EIF4ENIF1: variants seen among roughly 807,000 people sequenced by gnomAD.
The protein encoded by EIF4ENIF1 is eukaryotic translation initiation factor 4E transporter.
EIF4ENIF1 carries 23 observed loss-of-function variants against 110.5 expected under a neutral mutation model. The observed-to-expected ratio is 0.21, with a 90% CI of 0.15 to 0.29. EIF4ENIF1 has a LOEUF of 0.29. Among genes scored for constraint, EIF4ENIF1 ranks in the 10% least tolerant of loss-of-function variants. The pLI is 1.00. For synonymous variants in EIF4ENIF1, 440 were observed against 437.0 expected, an observed-to-expected ratio of 1.01 and a Z score of -0.09; for missense variants, 1,031 against 1,221.1, an observed-to-expected ratio of 0.84 and a Z score of 2.32.
intron 14 of EIF4ENIF1, among the ~76,000 whole-genome samples, chr22:31,444,989 T>C (rs2050417132): frequency 6.6e-6 from 1 of 151,600 alleles, no homozygotes. Flanking sequence ...AATGGGAAAA[T>C]GGAGGGGTTA....
chr22:31,469,504 C>A (rs2051293066), intron 3 of EIF4ENIF1, among the ~76,000 whole-genome samples: 1 of 152,148 alleles, frequency 6.6e-6, no homozygotes, highest in African/African-American at 2.4e-5. Flanking sequence ...TCTCAAACTC[C>A]TCACAATAAA....
At chr22:31,437,346 C>T (rs529088374), downstream of EIF4ENIF1, 1 of 152,218 alleles carries the variant, frequency 6.6e-6, no homozygotes, top group African/African-American at 2.4e-5. Flanking sequence ...CTCGTGCCTG[C>T]AAGACATCAA....
At chr22:31,477,098 G>A (rs1049996778) in intron 2 of EIF4ENIF1, among the ~76,000 whole-genome samples, 64 of 150,786 alleles carry the variant, frequency 4.2e-4, no homozygotes, top group Non-Finnish European at 8.4e-4. Flanking sequence ...GCTCTAGCCC[G>A]AGTGACAGAA....
At chr22:31,453,666 C>G (rs2050739511) in intron 10 of EIF4ENIF1, among the ~76,000 whole-genome samples, 1 of 152,186 alleles carries the variant, frequency 6.6e-6, no homozygotes, top group Admixed American at 6.6e-5. Context: ...AGCCACTGTG[C>G]TCAGCCCCAT....
intron 6 of EIF4ENIF1, among the ~76,000 whole-genome samples, chr22:31,460,717 C>T (rs935260767): frequency 3.3e-5 from 5 of 151,684 alleles, no homozygotes; most frequent in African/African-American, 7.3e-5. Flanking sequence ...GAGGCTGAGG[C>T]GGGTGGATCA....
At chr22:31,447,605 G>T (rs778580888) in intron 13 of EIF4ENIF1, 40 bp from the exon 14 acceptor site, 22 of 1,553,624 alleles carry the variant, frequency 1.4e-5, no homozygotes, top group Middle Eastern at 1.7e-4. Flanking sequence ...GAAGAGTAAG[G>T]ACACCACACT....
intron 10 of EIF4ENIF1, among the ~76,000 whole-genome samples, chr22:31,452,383 G>A (rs2050700278): frequency 6.6e-6 from 1 of 152,156 alleles, no homozygotes; most frequent in African/African-American, 2.4e-5. Flanking sequence ...CTAGCCACTT[G>A]AATGTGTCAT....
intron 6 of EIF4ENIF1, among the ~76,000 whole-genome samples, chr22:31,461,241 C>T (rs1478578479): frequency 6.6e-6 from 1 of 152,180 alleles, no homozygotes; most frequent in Non-Finnish European, 1.5e-5. Context: ...TTAGTCCCCA[C>T]CTGGCTCTAC....
At chr22:31,442,518 T>G (rs535315685) in intron 16 of EIF4ENIF1, among the ~76,000 whole-genome samples, 82 of 152,292 alleles carry the variant, frequency 5.4e-4, no homozygotes, top group African/African-American at 4.3e-4. Context: ...TAATTTGGAA[T>G]CCGCATGTTA....
At chr22:31,486,419 G>A (rs1003648765) in intron 2 of EIF4ENIF1, among the ~76,000 whole-genome samples, 9 of 150,404 alleles carry the variant, frequency 6.0e-5, no homozygotes, top group African/African-American at 2.0e-4. Context: ...AGCCGAGATT[G>A]CACCACTACA....
chr22:31,487,204 A>G (rs2052064828), intron 2 of EIF4ENIF1, among the ~76,000 whole-genome samples: 1 of 152,214 alleles, frequency 6.6e-6, no homozygotes, highest in Admixed American at 6.5e-5. Context: ...CAGGTTTGAG[A>G]GAAAATATAT....
intron 6 of EIF4ENIF1, 89 bp downstream of exon 6, chr22:31,462,843 A>C (rs959375261): frequency 4.0e-5 from 56 of 1,400,260 alleles, no homozygotes; most frequent in Non-Finnish European, 5.5e-5. Flanking sequence ...TCGGCCTCCC[A>C]AAGTGTTGGG....
Position 31,466,318 on chromosome 22 carries a change from C to T in EIF4ENIF1, c.298+1857G>A, listed in dbSNP as rs1009609527. Among the ~76,000 whole-genome samples, 13 of 151,972 alleles carry T rather than the reference C, an allele frequency of 8.6e-5. 1 individual carries two copies. Among genetic ancestry groups the T allele is most frequent in the Admixed American group, 2.0e-4 (3 of 15,228 alleles). On this transcript the variant is annotated intron_variant, in intron 4 of 18. Transcript: ENST00000330125. ...ATCCCAGCTACTTGGGAGGCTGAGG[C>T]GCGACAATCGCTTGAACCCGGGAGG...
At chr22:31,446,217 G>C (rs897651777) in intron 14 of EIF4ENIF1, among the ~76,000 whole-genome samples, 1 of 148,732 alleles carries the variant, frequency 6.7e-6, no homozygotes, top group Non-Finnish European at 1.5e-5. Flanking sequence ...CCCAGGAGGA[G>C]GAGGTTGCAG....
upstream of EIF4ENIF1, among the ~76,000 whole-genome samples, chr22:31,491,165 T>A (rs1470507856): frequency 6.6e-6 from 1 of 152,162 alleles, no homozygotes; most frequent in Non-Finnish European, 1.5e-5. Context: ...GAAGATGATA[T>A]AACCTGCTCA....
At chr22:31,456,413 C>T (rs544179103) in intron 7 of EIF4ENIF1, among the ~76,000 whole-genome samples, 40 of 151,640 alleles carry the variant, frequency 2.6e-4, no homozygotes, top group Admixed American at 7.2e-4. Flanking sequence ...TTAGTAGAGA[C>T]GGGGTTTTAC....
intron 10 of EIF4ENIF1, chr22:31,453,401 G>C: frequency 2.7e-6 from 1 of 374,976 alleles, no homozygotes; most frequent in Non-Finnish European, 5.2e-6. Context: ...TTTGGAGACA[G>C]TCTCACTCTG....
chr22:31,473,290 T>C (rs1405156001), intron 2 of EIF4ENIF1, among the ~76,000 whole-genome samples: 2 of 152,170 alleles, frequency 1.3e-5, no homozygotes, highest in Non-Finnish European at 2.9e-5. Context: ...ATCCCTCACA[T>C]ATAACGGATG....
At position 31,453,165 on chromosome 22, in the gene EIF4ENIF1, T is replaced by C. The variant is rs139609297; in HGVS notation, c.1512+979A>G. On this transcript the variant is annotated intron_variant, in intron 10 of 18. Coordinates refer to ENST00000330125, the MANE Select transcript of EIF4ENIF1 (RefSeq NM_019843.4). ...TAGTTTGTATCAAGAGATAGTGATA[T>C]TAACACATAGGCTATGGGTAAGAAC... 1.2e-3 allele frequency among the ~76,000 whole-genome samples: 176 copies of C among 152,286 alleles called. 1 individual carries two copies. The highest frequency in any genetic ancestry group is 0.01 in the Middle Eastern group (3 of 294).
Sources: gnomAD v4.1 joint callset for allele counts (sites outside exome capture counted in the v4.1 genomes callset) on GRCh38, gnomAD v4.1.1 for gene constraint, MANE v1.5 for transcripts, NCBI Gene and HGNC (gene_info 2026-07-23, HGNC 2026-07-21) for gene names.